Variants in CACNA1I observed in about 807,000 individuals in gnomAD.
CACNA1I encodes the protein voltage-dependent T-type calcium channel subunit alpha-1I.
Under a neutral mutation model 201.6 loss-of-function variants are expected in CACNA1I, and 74 were observed. That is an observed-to-expected ratio of 0.37 (90% confidence interval 0.30 to 0.45). CACNA1I has a LOEUF of 0.45. CACNA1I is among the 20% of genes least tolerant of loss of function. The probability of loss-of-function intolerance (pLI) is 1.00; values close to 1 mark genes in which losing one functional copy is unlikely to be tolerated. For synonymous variants in CACNA1I, 1,431 were observed against 1,345.2 expected (o/e 1.06, Z -1.40); for missense variants, 2,346 against 3,138.1 (o/e 0.75, Z 6.03).
chr22:39,625,275 G>A (rs140618922), intron 4 of CACNA1I, among the ~76,000 whole-genome samples: 67 of 152,300 alleles, frequency 4.4e-4, no homozygotes, highest in African/African-American at 1.5e-3. Flanking sequence ...TAGAGAGCTG[G>A]TGATGGGCGC....
Position 39,670,936 on chromosome 22 carries a change from G to A in CACNA1I, c.4521G>A (p.Glu1507=), listed in dbSNP as rs200021798. 6.2e-7 allele frequency: 1 copy of A among 1,613,896 alleles called. No homozygotes were observed. Among genetic ancestry groups the A allele is most frequent in the Non-Finnish European group, 8.5e-7 (1 of 1,179,850 alleles). Residue 1507 remains glutamate (E), a synonymous_variant, in exon 26 of 37, where the codon GAG becomes GAA. Transcript: ENST00000402142. ...ICLNVVTMSL[E]HYNQPTSLET... ...TCAACGTGGTCACCATGTCCCTGGAGCACTACAATCAGCCCACGGTGAGCC... is the reference window on the plus strand; with the variant it reads ...TCAACGTGGTCACCATGTCCCTGGAACACTACAATCAGCCCACGGTGAGCC...
chr22:39,585,226 A>AT (rs907986513), intron 1 of CACNA1I, among the ~76,000 whole-genome samples: 2 of 149,236 alleles, frequency 1.3e-5, no homozygotes, highest in Non-Finnish European at 3.0e-5. Context: ...TGCCCGGATA[A>AT]TTTTTTTTTG....
At chr22:39,584,334 G>A (rs1932674310) in intron 1 of CACNA1I, among the ~76,000 whole-genome samples, 1 of 152,202 alleles carries the variant, frequency 6.6e-6, no homozygotes, top group Admixed American at 6.5e-5. Flanking sequence ...CCTTCATGGA[G>A]GTGGGACATG....
chr22:39,609,647 A>G (rs1933325817), intron 3 of CACNA1I, among the ~76,000 whole-genome samples: 1 of 152,242 alleles, frequency 6.6e-6, no homozygotes, highest in Non-Finnish European at 1.5e-5. Flanking sequence ...GCATTTGGCC[A>G]GAACTGGGTC....
At chr22:39,613,749 G>A (rs960205585) in intron 3 of CACNA1I, among the ~76,000 whole-genome samples, 2 of 152,176 alleles carry the variant, frequency 1.3e-5, no homozygotes, top group African/African-American at 2.4e-5. Flanking sequence ...GGCCTGCTCC[G>A]GCCTTGCCGG....
At chr22:39,603,420 A>G (rs1324338862) in intron 3 of CACNA1I, among the ~76,000 whole-genome samples, 1 of 152,124 alleles carries the variant, frequency 6.6e-6, no homozygotes, top group East Asian at 1.9e-4. Flanking sequence ...CTATGGAATA[A>G]TTCATTTCCT....
In CACNA1I at chr22:39,685,948, G is replaced by A. The variant is rs1054379836; in HGVS notation, c.6215G>A (p.Arg2072Gln). The A allele has an allele frequency of 1.5e-5, 19 of 1,277,822 alleles. No individual in the cohort carries two copies. The highest frequency in any genetic ancestry group is 1.9e-5 in the Non-Finnish European group (19 of 1,021,102). 79.2% of individuals were successfully genotyped at this position (1,277,822 alleles called of 1,614,324 possible). A position where few individuals can be genotyped will look rare whatever the true frequency, so the allele number is the denominator to read the frequency against. ...CGCCGCCGCCTGAGCCTGCGCGGCC[G>A]GGGCCTCTTCAGCCTGCGGGGGCTG... ...AARRRLSLRGRGLFSLRGLRA... is the reference protein window; with the variant it reads ...AARRRLSLRGQGLFSLRGLRA... The change falls in exon 37 of 37, where the codon CGG becomes CAG. Residue 2072 changes from arginine (R) to glutamine (Q), a missense_variant. Arg to Gln is a conservative substitution (Grantham distance 43). Around this residue, in one of 13 missense-constraint regions of CACNA1I, gnomAD observed 441 missense variants for 555.6 expected, o/e 0.79. Transcript: ENST00000402142. The surrounding 1 kb of genome is among the most constrained non-coding windows in gnomAD (Gnocchi z 5.0).
Position 39,667,407 on chromosome 22 carries a change from G to C in CACNA1I, c.4105-885G>C, listed in dbSNP as rs536409770. ...TGGCCCACAGTGGCAGGAGCGCAGA[G>C]GGGGGTGAGACCACCTCTGCCCTGG... On this transcript the variant is annotated intron_variant, in intron 23 of 36. Transcript: ENST00000402142. Among the ~76,000 whole-genome samples the C allele has an allele frequency of 5.9e-5, 9 of 152,324 alleles. No individual in the cohort carries two copies. In the South Asian group the frequency reaches 1.7e-3, roughly 28 times the overall value.
Position 39,677,409 on chromosome 22 carries a change from T to C in CACNA1I, c.4923T>C (p.Phe1641=), listed in dbSNP as rs1359223177. 1 of 1,577,974 alleles carries C rather than the reference T, an allele frequency of 6.3e-7. No individual in the cohort carries two copies. Among genetic ancestry groups the C allele is most frequent in the Non-Finnish European group, 8.6e-7 (1 of 1,163,884 alleles). ...ATGCTGCTCTCGGGGTGGAGCTCTT[T>C]GGGAAGCTGGGTGAGTGACTCCCAG... ...FIYAALGVEL[F]GKLVCNDENP... Residue 1641 remains phenylalanine (F), a synonymous_variant, in exon 30 of 37, where the codon TTT becomes TTC. Transcript: ENST00000402142. This position sits in a 1 kb window ranked among gnomAD's most constrained non-coding sequence, Gnocchi z 4.8.
intron 1 of CACNA1I, among the ~76,000 whole-genome samples, chr22:39,590,581 G>T (rs754392812): frequency 2.0e-4 from 31 of 152,228 alleles, no homozygotes; most frequent in Admixed American, 3.3e-4. Flanking sequence ...ACCCATCTCA[G>T]TTGGGGGTCC....
rs1429525608 is a variant in CACNA1I, at chr22:39,670,879, C to T, written c.4464C>T (p.Tyr1488=). The change falls in exon 26 of 37, where the codon TAC becomes TAT. Residue 1488 remains tyrosine, a synonymous_variant. Coordinates refer to ENST00000402142, the MANE Select transcript of CACNA1I (RefSeq NM_021096.4). Reference sequence around the variant, plus strand: ...TCCACTCCATGTGCACCAGCCACTACCTGGACATCTTCATCACCTTCATCA... The same window carrying T: ...TCCACTCCATGTGCACCAGCCACTATCTGGACATCTTCATCACCTTCATCA... ...LLIHSMCTSH[Y]LDIFITFIIC... 3.1e-6 allele frequency: 5 copies of T among 1,613,912 alleles called. No homozygotes were observed. Among genetic ancestry groups the T allele is most frequent in the South Asian group, 1.1e-5 (1 of 91,070 alleles).
At chr22:39,663,697 G>GCCCCCGCCC in intron 18 of CACNA1I, 21 bp from the exon 19 acceptor site, 2 of 1,592,624 alleles carry the variant, frequency 1.3e-6, no homozygotes, top group Non-Finnish European at 1.7e-6. Context: ...CGCTCAGGCA[G>GCCCCCGCCC]CCCCCGCCCA....
Position 39,685,753 on chromosome 22 carries a change from C to G in CACNA1I, c.6028-8C>G. On this transcript the variant is annotated splice_region_variant and splice_polypyrimidine_tract_variant and intron_variant, in intron 36 of 36. Transcript: ENST00000402142. This position sits in a 1 kb window ranked among gnomAD's most constrained non-coding sequence, Gnocchi z 5.0. ...CAGGCGGCCTCCACGGCTCCCACCT[C>G]CCCCCAGGCCACCGGGAGCGACACG... 6.8e-7 allele frequency: 1 copy of G among 1,464,906 alleles called. No homozygotes were observed. The highest frequency in any genetic ancestry group is 9.0e-7 in the Non-Finnish European group (1 of 1,116,432). The allele number at this position is 1,464,906 out of a possible 1,614,324, so 90.7% of individuals were successfully genotyped here. A position where few individuals can be genotyped will look rare whatever the true frequency, so the allele number is the denominator to read the frequency against.
intron 7 of CACNA1I, among the ~76,000 whole-genome samples, chr22:39,644,680 C>G (rs937784129): frequency 6.6e-6 from 1 of 151,446 alleles, no homozygotes. Flanking sequence ...TTTAAATTTT[C>G]TTTCTTTTTT....
chr22:39,677,232 T>C lies in CACNA1I; in HGVS notation c.4855-109T>C. 1.3e-5 allele frequency: 9 copies of C among 699,282 alleles called. No individual in the cohort carries two copies. In the South Asian group the frequency reaches 1.5e-4, roughly 12 times the overall value. The allele number at this position is 699,282 out of a possible 1,614,324, so 43.3% of individuals were successfully genotyped here. A position where few individuals can be genotyped will look rare whatever the true frequency, so the allele number is the denominator to read the frequency against. On this transcript the variant is annotated intron_variant, in intron 29 of 36. Coordinates refer to ENST00000402142, the MANE Select transcript of CACNA1I (RefSeq NM_021096.4). The surrounding 1 kb of genome is among the most constrained non-coding windows in gnomAD (Gnocchi z 4.8). ...CAGCCTGGGGGAATGTTACAGCTGC[T>C]CTGACCCACAGGCTGCCCAACCCCA...
intron 16 of CACNA1I, among the ~76,000 whole-genome samples, chr22:39,661,715 C>T (rs1373110130): frequency 1.3e-5 from 2 of 152,254 alleles, no homozygotes; most frequent in African/African-American, 4.8e-5. Context: ...CTTGCTGTAC[C>T]TTCCTCAAGG....
intron 34 of CACNA1I, among the ~76,000 whole-genome samples, 176 bp from the exon 35 acceptor site, chr22:39,682,320 G>A (rs1361717188): frequency 6.6e-6 from 1 of 152,220 alleles, no homozygotes; most frequent in Non-Finnish European, 1.5e-5. Flanking sequence ...GCATTCGGAG[G>A]TGGATTCCTT....
At position 39,662,101 on chromosome 22, in the gene CACNA1I, G is replaced by GCGGCGC; in HGVS notation, c.3040_3045dup (p.Gly1014_Ala1015dup). ...TCCCTGCTCTCTGCGGAGCGCGGCG[G>GCGGCGC]CGGCGCCCGGGTCTGCGAGGTTGCC... On this transcript the variant is annotated inframe_insertion, in exon 17 of 37. Transcript: ENST00000402142. 1 of 1,526,990 alleles carries GCGGCGC rather than the reference G, an allele frequency of 6.5e-7. No individual in the cohort carries two copies. 94.6% of individuals were successfully genotyped at this position (1,526,990 alleles called of 1,614,324 possible). A position where few individuals can be genotyped will look rare whatever the true frequency, so the allele number is the denominator to read the frequency against.
intron 25 of CACNA1I, among the ~76,000 whole-genome samples, chr22:39,670,575 T>C (rs1045064293): frequency 1.3e-5 from 2 of 152,196 alleles, no homozygotes; most frequent in African/African-American, 4.8e-5. Context: ...TTGGGGTAGA[T>C]GGAGAGAATG....
Sources: allele counts gnomAD v4.1 joint callset (sites outside exome capture counted in the v4.1 genomes callset), GRCh38; gene constraint gnomAD v4.1.1; regional missense constraint gnomAD v4.1.1; non-coding constraint Gnocchi (gnomAD v3.1); transcripts MANE v1.5; gene names NCBI Gene and HGNC (gene_info 2026-07-23, HGNC 2026-07-21).